Variants in PLEKHA5 observed in about 807,000 individuals in gnomAD.
PLEKHA5 encodes pleckstrin homology domain containing A5, also known as pleckstrin homology domain-containing family A member 5.
Under a neutral mutation model 181.9 loss-of-function variants are expected in PLEKHA5, and 55 were observed. The observed-to-expected ratio is 0.30, with a 90% CI of 0.24 to 0.38. The LOEUF is 0.38. PLEKHA5 is among the 10% of genes least tolerant of loss of function. PLEKHA5 has a pLI of 1.00. For synonymous variants in PLEKHA5, 535 were observed against 529.4 expected (o/e 1.01, Z -0.15); for missense variants, 1,432 against 1,549.5 (o/e 0.92, Z 1.27).
rs1299311249 is a variant in PLEKHA5 at position 19,130,586 on chromosome 12, G to C, written c.169+456G>C. The stretch of plus-strand genomic sequence containing the variant: ...GCCCCGGACCCCGATCGCCCGCCGG[G>C]ATAACGTAACCACATCCTCCCCCTC... On this transcript the variant is annotated intron_variant, in intron 2 of 31. Coordinates refer to ENST00000429027, the MANE Select transcript of PLEKHA5 (RefSeq NM_001256470.2). The surrounding 1 kb of genome is among the most constrained non-coding windows in gnomAD (Gnocchi z 4.5). 1 of 152,758 alleles carries C rather than the reference G, an allele frequency of 6.5e-6. No homozygotes were observed. Among genetic ancestry groups the C allele is most frequent in the Admixed American group, 6.5e-5 (1 of 15,274 alleles). The allele number at this position is 152,758 out of a possible 1,614,324, so 9.5% of individuals were successfully genotyped here.
intron 3 of PLEKHA5, among the ~76,000 whole-genome samples, chr12:19,239,133 T>G (rs2061966256): frequency 6.6e-6 from 1 of 152,158 alleles, no homozygotes; most frequent in Admixed American, 6.5e-5. Context: ...AATAAATAAT[T>G]TCAACACGAA....
intron 3 of PLEKHA5, among the ~76,000 whole-genome samples, chr12:19,238,945 C>T (rs1007849028): frequency 3.9e-5 from 6 of 152,024 alleles, no homozygotes; most frequent in African/African-American, 1.2e-4. Context: ...CTTTGAGGAA[C>T]GCTTTCCACC....
chr12:19,224,922 G>A (rs2059482499), intron 3 of PLEKHA5, among the ~76,000 whole-genome samples: 1 of 152,126 alleles, frequency 6.6e-6, no homozygotes, highest in Non-Finnish European at 1.5e-5. Flanking sequence ...GATTACTTGA[G>A]GCCAGGAGGT....
At chr12:19,176,582 A>AT (rs2047305520) in intron 3 of PLEKHA5, 1 of 152,190 alleles carries the variant, frequency 6.6e-6, no homozygotes, top group African/African-American at 2.4e-5. Context: ...GTGAGCCACC[A>AT]TGCCTGCCTT....
chr12:19,216,548 AT>A (rs2058011198), intron 3 of PLEKHA5, among the ~76,000 whole-genome samples: 1 of 152,000 alleles, frequency 6.6e-6, no homozygotes, highest in Admixed American at 6.6e-5. Context: ...TTGTAGTCCC[AT>A]CTACTTTGGA....
chr12:19,188,779 A>G (rs2050407792), intron 3 of PLEKHA5, among the ~76,000 whole-genome samples: 2 of 152,164 alleles, frequency 1.3e-5, no homozygotes, highest in Admixed American at 1.3e-4. Context: ...AATTAAATTC[A>G]TTTTTTATTT....
At chr12:19,362,043 G>A (rs2095259868) in intron 29 of PLEKHA5, among the ~76,000 whole-genome samples, 3 of 151,554 alleles carry the variant, frequency 2.0e-5, no homozygotes. Flanking sequence ...GCATGTGCCT[G>A]TAGTCCTAGT....
chr12:19,231,108 C>G (rs1052285134), intron 3 of PLEKHA5, among the ~76,000 whole-genome samples: 15 of 151,972 alleles, frequency 9.9e-5, no homozygotes, highest in Non-Finnish European at 1.6e-4. Context: ...AAAGGGTAAA[C>G]AGGAGTTTCT....
chr12:19,321,495 C>G (rs552936484), intron 18 of PLEKHA5: 6 of 149,174 alleles, frequency 4.0e-5, no homozygotes, highest in Admixed American at 3.4e-4. Context: ...ACCCAAATAG[C>G]TGGGATCACG....
chr12:19,322,425 TTA>T, intron 19 of PLEKHA5, 35 bp downstream of exon 19: 1 of 1,570,680 alleles, frequency 6.4e-7, no homozygotes, highest in South Asian at 1.1e-5. Flanking sequence ...ACAATTGATG[TTA>T]CTTAATATGA....
chr12:19,364,627 A>G (rs1416589886), intron 29 of PLEKHA5, among the ~76,000 whole-genome samples: 2 of 152,096 alleles, frequency 1.3e-5, no homozygotes, highest in African/African-American at 2.4e-5. Context: ...GGATCTTTAT[A>G]TGAATGGGTC....
At chr12:19,201,188 A>G (rs2054092257) in intron 3 of PLEKHA5, 1 of 152,068 alleles carries the variant, frequency 6.6e-6, no homozygotes, top group Non-Finnish European at 1.5e-5. Context: ...TAAATGAGGG[A>G]AAAATTTAAA....
At chr12:19,351,518 T>C (rs7138602) in intron 25 of PLEKHA5, among the ~76,000 whole-genome samples, 14,152 of 152,206 alleles carry the variant, frequency 0.093, 909 homozygotes, top group Admixed American at 0.17. Flanking sequence ...GTAATGATTT[T>C]GACTAACTTC....
chr12:19,283,970 C>A (rs539133377), intron 12 of PLEKHA5, among the ~76,000 whole-genome samples: 1 of 152,292 alleles, frequency 6.6e-6, no homozygotes, highest in South Asian at 2.1e-4. Flanking sequence ...AGGAGCAGTT[C>A]TTTTGAGCAG....
intron 2 of PLEKHA5, among the ~76,000 whole-genome samples, 179 bp from the exon 3 acceptor site, chr12:19,132,213 TA>T (rs1293000454): frequency 2.6e-5 from 4 of 152,218 alleles, no homozygotes; most frequent in African/African-American, 9.7e-5. Flanking sequence ...CTGGTGGCTC[TA>T]AATTTGAATT....
At position 19,232,751 on chromosome 12, in the gene PLEKHA5, A is replaced by G. The variant is rs569912506; in HGVS notation, c.228-21189A>G. ...TGCTGTGTAGTGAAATTTCACCTCT[A>G]AAAGAAAACCAAGATGATAGCATGG... is the stretch of plus-strand genomic sequence containing the variant. On this transcript the variant is annotated intron_variant, in intron 3 of 31. Coordinates refer to ENST00000429027, the MANE Select transcript of PLEKHA5 (RefSeq NM_001256470.2). Among the ~76,000 whole-genome samples the G allele has an allele frequency of 3.3e-5, 5 of 152,246 alleles. No homozygotes were observed. The East Asian group carries it at 7.7e-4, about 24-fold the overall frequency.
intron 3 of PLEKHA5, chr12:19,243,328 G>T (rs542792120): frequency 5.9e-5 from 9 of 152,302 alleles, no homozygotes; most frequent in African/African-American, 2.2e-4. Flanking sequence ...ATGACTTCTG[G>T]CAACTTTCTA....
At chr12:19,309,783 G>A (rs971259367) in intron 15 of PLEKHA5, among the ~76,000 whole-genome samples, 9 of 151,836 alleles carry the variant, frequency 5.9e-5, no homozygotes, top group African/African-American at 1.9e-4. Flanking sequence ...GTATAAAACC[G>A]ATACATTTGT....
chr12:19,192,423 C>G (rs1163659274), intron 3 of PLEKHA5, among the ~76,000 whole-genome samples: 1 of 152,158 alleles, frequency 6.6e-6, no homozygotes, highest in East Asian at 1.9e-4. Context: ...CTTGGCCTGG[C>G]ACAGTGGCTC....
Sources: allele counts gnomAD v4.1 joint callset (sites outside exome capture counted in the v4.1 genomes callset), GRCh38; gene constraint gnomAD v4.1.1; non-coding constraint Gnocchi (gnomAD v3.1); transcripts MANE v1.5; gene names NCBI Gene and HGNC (gene_info 2026-07-23, HGNC 2026-07-21).